The following SLITRK6 variants were observed in gnomAD, a reference collection of about 807,000 sequenced individuals.
SLITRK6 encodes SLIT and NTRK like family member 6.
A neutral mutation model predicts 55.6 loss-of-function variants in SLITRK6; 35 were observed. The ratio of observed to expected loss-of-function variants is 0.63; its 90% confidence interval spans 0.48 to 0.83. SLITRK6 has a LOEUF of 0.83. SLITRK6 is among the 40% of genes least tolerant of loss of function. SLITRK6 has a pLI of 0.00. For synonymous variants in SLITRK6, 392 were observed against 359.6 expected (o/e 1.09, Z -1.02); for missense variants, 977 against 986.4 (o/e 0.99, Z 0.13).
intron 1 of SLITRK6, among the ~76,000 whole-genome samples, chr13:85,796,803 G>T (rs1874741870): frequency 6.6e-6 from 1 of 150,984 alleles, no homozygotes; most frequent in Non-Finnish European, 1.5e-5. Context: ...CATAAAATTT[G>T]TGCTCACATC....
intron 1 of SLITRK6, among the ~76,000 whole-genome samples, 173 bp downstream of exon 1, chr13:85,798,741 T>G (rs1874793861): frequency 6.6e-6 from 1 of 152,066 alleles, no homozygotes; most frequent in East Asian, 1.9e-4. Context: ...AAATGTCTGC[T>G]TCTCAGAGAA....
At position 85,799,173 on chromosome 13, in the gene SLITRK6, A is replaced by G. The variant is rs1874808460; in HGVS notation, c.-284T>C. 6.6e-6 allele frequency: 1 copy of G among 151,772 alleles called. No individual in the cohort carries two copies. Among genetic ancestry groups the G allele is most frequent in the African/African-American group, 2.4e-5 (1 of 41,356 alleles). 9.4% of individuals were successfully genotyped at this position (151,772 alleles called of 1,614,324 possible). The stretch of plus-strand genomic sequence containing the variant: ...TGAAGCAATTGTCCCTTTTTCCCTC[A>G]ATTAAAATTCACGGCATACTTCACA... On this transcript the variant is annotated 5_prime_UTR_variant, in exon 1 of 2. Coordinates refer to ENST00000647374, the MANE Select transcript of SLITRK6 (RefSeq NM_032229.3).
In SLITRK6 at chr13:85,793,983, C is replaced by T; in HGVS notation, c.2526G>A (p.Ter842=). Residue 842 remains the stop codon, a stop_retained_variant, in exon 2 of 2, where the codon TAG becomes TAA. Coordinates refer to ENST00000647374, the MANE Select transcript of SLITRK6 (RefSeq NM_032229.3). ...CTGCGAAAGCCCTCAAACTCTCCAT[C>T]TATGTTTGCTGCTCCAGGACTTCTA... ...DYLEVLEQQT[*] is the part of the protein sequence containing the mutation. The T allele has an allele frequency of 6.3e-7, 1 of 1,587,876 alleles. No individual in the cohort carries two copies. Among genetic ancestry groups the T allele is most frequent in the African/African-American group, 1.4e-5 (1 of 73,904 alleles).
rs1047031433 is a variant in SLITRK6, at chr13:85,793,831, T to C, written c.*152A>G. On this transcript the variant is annotated 3_prime_UTR_variant, in exon 2 of 2. Transcript: ENST00000647374. Reference sequence around the variant, plus strand: ...TGCCATGGCTTCTCCCAGTGATCCCTGAGTTTCTTTTTCTTCTTCTTTTTT... The same window carrying C: ...TGCCATGGCTTCTCCCAGTGATCCCCGAGTTTCTTTTTCTTCTTCTTTTTT... 13 of 822,848 alleles carry C rather than the reference T, an allele frequency of 1.6e-5. No individual in the cohort carries two copies. The highest frequency in any genetic ancestry group is 2.1e-5 in the Non-Finnish European group (12 of 571,490). The allele number at this position is 822,848 out of a possible 1,614,324, so 51.0% of individuals were successfully genotyped here.
rs1270109948 is a variant in SLITRK6 at position 85,796,551 on chromosome 13, T to C, written c.-24-19A>G. Reference sequence around the variant, plus strand: ...TCCGATTCTGTAAAATAAAACGCAATAGCAAGGGACTTTAGTGGGCAGAAC... The same window carrying C: ...TCCGATTCTGTAAAATAAAACGCAACAGCAAGGGACTTTAGTGGGCAGAAC... On this transcript the variant is annotated intron_variant, in intron 1 of 1. Coordinates refer to ENST00000647374, the MANE Select transcript of SLITRK6 (RefSeq NM_032229.3). 2 of 1,485,942 alleles carry C rather than the reference T, an allele frequency of 1.3e-6. No homozygotes were observed. The highest frequency in any genetic ancestry group is 3.0e-5 in the South Asian group (2 of 67,032). The allele number at this position is 1,485,942 out of a possible 1,614,324, so 92.0% of individuals were successfully genotyped here. A position where few individuals can be genotyped will look rare whatever the true frequency, so the allele number is the denominator to read the frequency against.
Position 85,793,674 on chromosome 13 carries a change from TTC to T in SLITRK6, c.*307_*308del. Reference sequence around the variant, plus strand: ...CAAGAAAATTCGGGATACTTAAATGTTCAGCCTTTTTAGATGTGCAAGAGGAC... The same window carrying T: ...CAAGAAAATTCGGGATACTTAAATGTAGCCTTTTTAGATGTGCAAGAGGAC... On this transcript the variant is annotated 3_prime_UTR_variant, in exon 2 of 2. Coordinates refer to ENST00000647374, the MANE Select transcript of SLITRK6 (RefSeq NM_032229.3). 4.2e-6 allele frequency: 1 copy of T among 239,152 alleles called. No individual in the cohort carries two copies. The highest frequency in any genetic ancestry group is 8.0e-6 in the Non-Finnish European group (1 of 124,406). The allele number at this position is 239,152 out of a possible 1,614,324, so 14.8% of individuals were successfully genotyped here.
chr13:85,797,795 T>G (rs1566399698), intron 1 of SLITRK6, among the ~76,000 whole-genome samples: 1 of 151,902 alleles, frequency 6.6e-6, no homozygotes, highest in Non-Finnish European at 1.5e-5. Context: ...AGGTAAACAT[T>G]TATAGCTCTA....
At chr13:85,797,185 A>G (rs1874753724) in intron 1 of SLITRK6, among the ~76,000 whole-genome samples, 1 of 145,760 alleles carries the variant, frequency 6.9e-6, no homozygotes, top group Non-Finnish European at 1.5e-5. Context: ...TTTATTGTTT[A>G]TTTTGAAAAC....
Position 85,794,904 on chromosome 13 carries a change from T to C in SLITRK6, c.1605A>G (p.Leu535=), listed in dbSNP as rs529895144. 1.1e-5 allele frequency: 18 copies of C among 1,613,078 alleles called. No homozygotes were observed. The African/African-American group carries it at 2.1e-4, about 19-fold the overall frequency. ...TGTCATCTGTCACTGTGTTCTTGCT[T>C]AACTTTTGTATCCATTGCTGCAGTC... is the stretch of plus-strand genomic sequence containing the variant. ...LVGLQQWIQK[L]SKNTVTDDIL... The change falls in exon 2 of 2, where the codon TTA becomes TTG. Residue 535 remains leucine, a synonymous_variant. Coordinates refer to ENST00000647374, the MANE Select transcript of SLITRK6 (RefSeq NM_032229.3).
Position 85,796,380 on chromosome 13 carries a change from T to G in SLITRK6, c.129A>C (p.Thr43=). The G allele has an allele frequency of 6.2e-7, 1 of 1,612,710 alleles. No individual in the cohort carries two copies. The highest frequency in any genetic ancestry group is 8.5e-7 in the Non-Finnish European group (1 of 1,179,232). The change falls in exon 2 of 2, where the codon ACA becomes ACC. Residue 43 remains threonine, a synonymous_variant. Transcript: ENST00000647374. The part of the protein sequence containing the change: ...SLCNCEEKDG[T]MLINCEAKGI... The stretch of plus-strand genomic sequence containing the variant: ...CTTTTGCTTCACAATTTATTAGCAT[T>G]GTGCCATCTTTTTCCTCACAATTGC...
rs570122727 is a variant in SLITRK6 at position 85,793,169 on chromosome 13, A to T, written c.*814T>A. ...CAAACCCAATATATTCTCTAGTCAT[A>T]TTTACAGCAGAATCTCAGTAGCATT... On this transcript the variant is annotated 3_prime_UTR_variant, in exon 2 of 2. Transcript: ENST00000647374. The T allele has an allele frequency of 6.6e-6, 1 of 152,006 alleles. No individual in the cohort carries two copies. The highest frequency in any genetic ancestry group is 2.4e-5 in the African/African-American group (1 of 41,406). The allele number at this position is 152,006 out of a possible 1,614,324, so 9.4% of individuals were successfully genotyped here. A position where few individuals can be genotyped will look rare whatever the true frequency, so the allele number is the denominator to read the frequency against.
intron 1 of SLITRK6, among the ~76,000 whole-genome samples, chr13:85,797,248 T>A (rs1874754983): frequency 6.6e-6 from 1 of 151,336 alleles, no homozygotes; most frequent in Non-Finnish European, 1.5e-5. Context: ...CTATAAGAAC[T>A]CTTTTAACTA....
rs200296768 is a variant in SLITRK6 at position 85,796,034 on chromosome 13, G to A, written c.475C>T (p.Leu159Phe). The change falls in exon 2 of 2, where the codon CTC becomes TTC. Residue 159 changes from leucine (L) to phenylalanine (F), a missense_variant. Physicochemically the swap from Leu to Phe is conservative, Grantham distance 22. Coordinates refer to ENST00000647374, the MANE Select transcript of SLITRK6 (RefSeq NM_032229.3). ...AAAATTAACACTTTGAGTCTGTTGA[G>A]CTTGCTAAAGGCACTTGGTTCAATC... The part of the protein sequence containing the change: ...TVIEPSAFSK[L>F]NRLKVLILND... 2.1e-5 allele frequency: 34 copies of A among 1,613,030 alleles called. No homozygotes were observed. The highest frequency in any genetic ancestry group is 1.1e-4 in the East Asian group (5 of 44,852).
rs1566397180 is a variant in SLITRK6, at chr13:85,794,228, C to T, written c.2281G>A (p.Glu761Lys). ...DASSLYRNIL[E>K]KERELQQLGI... The stretch of plus-strand genomic sequence containing the variant: ...AGTTGCTGAAGTTCCCTTTCTTTTT[C>T]TAAAATGTTTCTGTACAATGAGCTG... Residue 761 changes from glutamate (E) to lysine (K), a missense_variant, in exon 2 of 2, where the codon GAA (glutamate) becomes AAA (lysine). Physicochemically the swap from Glu to Lys is moderately conservative, Grantham distance 56. Transcript: ENST00000647374. 3.7e-6 allele frequency: 6 copies of T among 1,612,688 alleles called. No individual in the cohort carries two copies. The African/African-American group carries it at 8.0e-5, about 22-fold the overall frequency.
Position 85,794,862 on chromosome 13 carries a change from G to A in SLITRK6, c.1647C>T (p.Pro549=), listed in dbSNP as rs370271415. 32 of 1,612,900 alleles carry A rather than the reference G, an allele frequency of 2.0e-5. No homozygotes were observed. Among genetic ancestry groups the A allele is most frequent in the Non-Finnish European group, 2.3e-5 (27 of 1,179,480 alleles). Residue 549 remains proline, a synonymous_variant, in exon 2 of 2, where the codon CCC becomes CCT. Coordinates refer to ENST00000647374, the MANE Select transcript of SLITRK6 (RefSeq NM_032229.3). ...TCAATTCCTTTTTGTCGAGATGCCCGGGGGAAGTGCAGAGGATGTCATCTG... is the reference window on the plus strand; with the variant it reads ...TCAATTCCTTTTTGTCGAGATGCCCAGGGGAAGTGCAGAGGATGTCATCTG... ...TVTDDILCTS[P]GHLDKKELKA... is the part of the protein sequence containing the mutation.
chr13:85,794,765 G>A lies in SLITRK6; in HGVS notation c.1744C>T (p.Leu582Phe), dbSNP rs763689913. The change falls in exon 2 of 2, where the codon CTT becomes TTT. Residue 582 changes from leucine (L) to phenylalanine (F), a missense_variant. Physicochemically the swap from Leu to Phe is conservative, Grantham distance 22 (BLOSUM62 0). Transcript: ENST00000647374. ...NPSMPTQTSY[L>F]MVTTPATTTN... ...GTTGTTGCAGGAGTGGTGACCATAA[G>A]GTAACTAGTCTGTGTTGGCATGGAT... 1.2e-6 allele frequency: 2 copies of A among 1,613,208 alleles called. No individual in the cohort carries two copies. Among genetic ancestry groups the A allele is most frequent in the Non-Finnish European group, 1.7e-6 (2 of 1,179,516 alleles).
At position 85,793,152 on chromosome 13, in the gene SLITRK6, A is replaced by G. The variant is rs1032217465; in HGVS notation, c.*831T>C. 2.6e-5 allele frequency: 4 copies of G among 152,226 alleles called. No homozygotes were observed. The highest frequency in any genetic ancestry group is 2.0e-4 in the Admixed American group (3 of 15,184). 9.4% of individuals were successfully genotyped at this position (152,226 alleles called of 1,614,324 possible). A position where few individuals can be genotyped will look rare whatever the true frequency, so the allele number is the denominator to read the frequency against. On this transcript the variant is annotated 3_prime_UTR_variant, in exon 2 of 2. Transcript: ENST00000647374. Reference sequence around the variant, plus strand: ...AAGCCTATGAAATAAAGCAAACCCAATATATTCTCTAGTCATATTTACAGC... The same window carrying G: ...AAGCCTATGAAATAAAGCAAACCCAGTATATTCTCTAGTCATATTTACAGC...
chr13:85,798,713 G>A (rs1874793305), intron 1 of SLITRK6, among the ~76,000 whole-genome samples: 1 of 151,996 alleles, frequency 6.6e-6, no homozygotes, highest in Non-Finnish European at 1.5e-5. Context: ...GTTCTTCTCT[G>A]TAGCCAGCTG....
rs9602839 is a variant in SLITRK6, at chr13:85,797,093, G to A, written c.-24-561C>T. On this transcript the variant is annotated intron_variant, in intron 1 of 1. Coordinates refer to ENST00000647374, the MANE Select transcript of SLITRK6 (RefSeq NM_032229.3). ...GCATTGTCTTTATATTGTTGAACTGGGTGTCACACAATAACATCTAATAAC... is the reference window on the plus strand; with the variant it reads ...GCATTGTCTTTATATTGTTGAACTGAGTGTCACACAATAACATCTAATAAC... Among the ~76,000 whole-genome samples, 842 of 149,716 alleles carry A rather than the reference G, an allele frequency of 5.6e-3. 15 individuals carry two copies. Among genetic ancestry groups the A allele is most frequent in the African/African-American group, 0.019 (771 of 40,798 alleles).
Sources: gnomAD v4.1 joint callset for allele counts (sites outside exome capture counted in the v4.1 genomes callset) on GRCh38, gnomAD v4.1.1 for gene constraint, MANE v1.5 for transcripts, NCBI Gene and HGNC (gene_info 2026-07-23, HGNC 2026-07-21) for gene names.